Variants in CFAP54 observed in about 807,000 individuals in gnomAD.
CFAP54 encodes cilia and flagella associated protein 54, also known as cilia- and flagella-associated protein 54.
Under a neutral mutation model 370.4 loss-of-function variants are expected in CFAP54, and 290 were observed. The observed-to-expected ratio is 0.78, with a 90% CI of 0.71 to 0.86. The LOEUF (loss-of-function observed/expected upper bound fraction) is 0.86, where lower values mean the gene tolerates loss of function less well. Ranked by LOEUF, CFAP54 falls within the 40% of genes least tolerant of loss-of-function variation. CFAP54 has a pLI of 0.00. For missense variants in CFAP54, 3,399 were observed against 3,528.7 expected (o/e 0.96, Z 0.93); for synonymous variants, 1,206 against 1,236.5 (o/e 0.98, Z 0.52).
chr12:96,544,908 T>C (rs986760738), intron 14 of CFAP54, among the ~76,000 whole-genome samples: 3 of 151,456 alleles, frequency 2.0e-5, no homozygotes, highest in African/African-American at 7.3e-5. Context: ...CTCTTCCTTT[T>C]CTTTTTTTTT....
At position 96,692,716 on chromosome 12, in the gene CFAP54, T is replaced by C. The variant is rs112687942; in HGVS notation, c.6265-1006T>C. Among the ~76,000 whole-genome samples the C allele has an allele frequency of 1.4e-3, 207 of 152,314 alleles. 1 individual carries two copies. The highest frequency in any genetic ancestry group is 2.3e-3 in the Non-Finnish European group (158 of 68,022). On this transcript the variant is annotated intron_variant, in intron 44 of 67. Coordinates refer to ENST00000524981, the MANE Select transcript of CFAP54 (RefSeq NM_001306084.2). ...ACAATTAGAGGTTCCCCAGGTGAAA[T>C]TGCAAGAAGTAAACAGTTTCCATTT...
intron 66 of CFAP54, among the ~76,000 whole-genome samples, chr12:96,832,316 G>T (rs1959173846): frequency 6.6e-6 from 1 of 150,714 alleles, no homozygotes; most frequent in Admixed American, 6.6e-5. Context: ...AAAAGAATTT[G>T]TTATAATAAA....
chr12:96,594,113 G>C (rs1421437134), intron 24 of CFAP54, among the ~76,000 whole-genome samples, 178 bp from the exon 25 acceptor site: 2 of 152,098 alleles, frequency 1.3e-5, no homozygotes, highest in Non-Finnish European at 1.5e-5. Context: ...CTAAGATCGT[G>C]CTATCTATAG....
At position 96,534,202 on chromosome 12, in the gene CFAP54, T is replaced by C. The variant is rs1160231054; in HGVS notation, c.1680T>C (p.Ile560=). 5.5e-6 allele frequency: 8 copies of C among 1,467,138 alleles called. No individual in the cohort carries two copies. Among genetic ancestry groups the C allele is most frequent in the Non-Finnish European group, 7.3e-6 (8 of 1,102,514 alleles). 90.9% of individuals were successfully genotyped at this position (1,467,138 alleles called of 1,614,324 possible). ...ENYKEGQSTQ[I]YLKKIAVHDT... ...ATAAAGAAGGACAGTCAACTCAAAT[T>C]TATTTAAAAAAAATTGCTGTTCATG... Residue 560 remains isoleucine, a synonymous_variant, in exon 11 of 68, where the codon ATT becomes ATC. Coordinates refer to ENST00000524981, the MANE Select transcript of CFAP54 (RefSeq NM_001306084.2).
At chr12:96,521,820 C>G (rs1402055513) in intron 6 of CFAP54, 37 bp from the exon 7 acceptor site, 1 of 1,380,994 alleles carries the variant, frequency 7.2e-7, no homozygotes, top group Non-Finnish European at 9.8e-7. Context: ...TCACTATATT[C>G]TGATTTATGA....
intron 20 of CFAP54, among the ~76,000 whole-genome samples, chr12:96,577,032 A>G (rs1417266078): frequency 6.6e-6 from 1 of 152,218 alleles, no homozygotes; most frequent in Non-Finnish European, 1.5e-5. Context: ...CCTTGTAAGT[A>G]TCCTTGTCAC....
intron 63 of CFAP54, among the ~76,000 whole-genome samples, chr12:96,793,604 A>C (rs1958727271): frequency 6.6e-6 from 1 of 152,120 alleles, no homozygotes; most frequent in African/African-American, 2.4e-5. Context: ...TGGTAGATCT[A>C]CTTTTAATTC....
intron 5 of CFAP54, among the ~76,000 whole-genome samples, chr12:96,515,347 A>T (rs1955219013): frequency 1.4e-5 from 2 of 145,162 alleles, no homozygotes; most frequent in South Asian, 4.8e-4. Context: ...GTCTTGTGGG[A>T]TGGGGATGGG....
chr12:96,495,807 T>C (rs1015452388), intron 1 of CFAP54, among the ~76,000 whole-genome samples: 1 of 152,178 alleles, frequency 6.6e-6, no homozygotes, highest in African/African-American at 2.4e-5. Context: ...AAAGAGATTT[T>C]TTCTTTCTTA....
At chr12:96,564,439 AT>A in intron 17 of CFAP54, 28 bp from the exon 18 acceptor site, 1 of 682,764 alleles carries the variant, frequency 1.5e-6, no homozygotes. Context: ...TACATACTTA[AT>A]TGTTATGACA....
chr12:96,735,029 C>T (rs567047660), intron 50 of CFAP54, among the ~76,000 whole-genome samples: 1 of 152,104 alleles, frequency 6.6e-6, no homozygotes, highest in South Asian at 2.1e-4. Flanking sequence ...AGTATGTATA[C>T]ACCTGGAAAA....
rs770708606 is a variant in CFAP54 at position 96,693,723 on chromosome 12, T to A, written c.6266T>A (p.Val2089Asp). 1 of 1,571,086 alleles carries A rather than the reference T, an allele frequency of 6.4e-7. No homozygotes were observed. The highest frequency in any genetic ancestry group is 1.1e-5 in the South Asian group (1 of 87,572). ...CAAAGAGTGTTTTTCTCCTGATAGG[T>A]TCTGCCTCTCCTTGCATTGTATCAA... ...ELHFVRQNLIVLPLLALYQYF... is the reference protein window; with the variant it reads ...ELHFVRQNLIDLPLLALYQYF... Residue 2089 changes from valine (V) to aspartate (D), a missense_variant and splice_region_variant, in exon 45 of 68, where the codon GTT (valine) becomes GAT (aspartate). By Grantham distance (152) the Val-to-Asp change is radical (BLOSUM62 -3). This residue lies in a region of CFAP54 where 2,796 missense variants were observed against 2,869.7 expected (regional missense o/e 0.97). Coordinates refer to ENST00000524981, the MANE Select transcript of CFAP54 (RefSeq NM_001306084.2).
chr12:96,662,271 C>T (rs1204237728), intron 38 of CFAP54, among the ~76,000 whole-genome samples: 2 of 152,274 alleles, frequency 1.3e-5, no homozygotes, highest in East Asian at 3.9e-4. Context: ...GTGGAGCAAT[C>T]TTGCCTCGCT....
chr12:96,766,896 A>T (rs900059079), intron 60 of CFAP54, among the ~76,000 whole-genome samples: 15 of 152,046 alleles, frequency 9.9e-5, no homozygotes, highest in Admixed American at 2.0e-4. Context: ...TCATTCTTCC[A>T]CTCAGCTCAT....
chr12:96,583,069 G>C (rs1012928079), intron 22 of CFAP54, among the ~76,000 whole-genome samples: 2 of 152,042 alleles, frequency 1.3e-5, no homozygotes. Flanking sequence ...AAATGCCTGT[G>C]ATTAACTTGG....
intron 31 of CFAP54, 146 bp from the exon 32 acceptor site, chr12:96,630,405 C>A: frequency 1.7e-6 from 1 of 604,636 alleles, no homozygotes; most frequent in Non-Finnish European, 2.7e-6. Context: ...TACAGGGGTA[C>A]TTCTGCTGCC....
intron 26 of CFAP54, among the ~76,000 whole-genome samples, chr12:96,612,806 A>C (rs1324120160): frequency 6.6e-6 from 1 of 152,218 alleles, no homozygotes; most frequent in Non-Finnish European, 1.5e-5. Context: ...GGATCAATTA[A>C]ACAAGAAGAG....
chr12:96,492,214 A>G (rs1195621762), intron 1 of CFAP54, among the ~76,000 whole-genome samples: 2 of 152,062 alleles, frequency 1.3e-5, no homozygotes, highest in African/African-American at 4.8e-5. Flanking sequence ...GATCTTTACA[A>G]ATCTTATCTA....
In CFAP54 at chr12:96,592,561, C is replaced by T; in HGVS notation, c.3284C>T (p.Thr1095Ile). ...LYLFLRNIFV[T>I]SDIKIKEENL... is the part of the protein sequence containing the mutation. ...CTTTTTCTTAGAAATATTTTTGTAA[C>T]AAGTGACATCAAAATTAAAGAAGAA... Residue 1095 changes from threonine (T) to isoleucine (I), a missense_variant, in exon 24 of 68, where the codon ACA becomes ATA. Around this residue, in one of 3 missense-constraint regions of CFAP54, gnomAD observed 2,796 missense variants for 2,869.7 expected, o/e 0.97. Transcript: ENST00000524981. 1 of 1,191,190 alleles carries T rather than the reference C, an allele frequency of 8.4e-7. No individual in the cohort carries two copies. Among genetic ancestry groups the T allele is most frequent in the Non-Finnish European group, 1.1e-6 (1 of 875,982 alleles). The allele number at this position is 1,191,190 out of a possible 1,614,324, so 73.8% of individuals were successfully genotyped here. A position where few individuals can be genotyped will look rare whatever the true frequency, so the allele number is the denominator to read the frequency against.
Sources: allele counts gnomAD v4.1 joint callset (sites outside exome capture counted in the v4.1 genomes callset), GRCh38; gene constraint gnomAD v4.1.1; regional missense constraint gnomAD v4.1.1; transcripts MANE v1.5; gene names NCBI Gene and HGNC (gene_info 2026-07-23, HGNC 2026-07-21).